The following MYRIP variants were observed in gnomAD, a reference collection of about 807,000 sequenced individuals.
MYRIP encodes the protein myosin VIIA and Rab interacting protein.
Under a neutral mutation model 98.0 loss-of-function variants are expected in MYRIP, and 49 were observed. The observed-to-expected ratio is 0.50, with a 90% CI of 0.40 to 0.63. The LOEUF (loss-of-function observed/expected upper bound fraction) is 0.63. Ranked by LOEUF, MYRIP falls within the 30% of genes least tolerant of loss-of-function variation. The pLI is 0.00. For missense variants in MYRIP, 1,004 were observed against 1,058.2 expected (o/e 0.95, Z 0.71); for synonymous variants, 404 against 409.5 (o/e 0.99, Z 0.16).
chr3:39,822,905 G>A (rs115071666), intron 1 of MYRIP, among the ~76,000 whole-genome samples: 157 of 149,198 alleles, frequency 1.1e-3, no homozygotes, highest in Non-Finnish European at 1.6e-3. Context: ...ATTTCCTGGT[G>A]TATATATACA....
intron 1 of MYRIP, among the ~76,000 whole-genome samples, chr3:39,842,270 C>T (rs1455345617): frequency 6.6e-6 from 1 of 152,156 alleles, no homozygotes; most frequent in Admixed American, 6.5e-5. Flanking sequence ...AAGGGGAAAA[C>T]CACCTACTCA....
chr3:39,935,588 T>C (rs1944638000), intron 2 of MYRIP, among the ~76,000 whole-genome samples: 1 of 152,124 alleles, frequency 6.6e-6, no homozygotes, highest in Non-Finnish European at 1.5e-5. Context: ...TTTGGAAATT[T>C]GCATACTTCC....
intron 8 of MYRIP, 49 bp from the exon 9 acceptor site, chr3:40,182,171 A>G: frequency 6.6e-7 from 1 of 1,516,852 alleles, no homozygotes. Flanking sequence ...CACACCTCCC[A>G]GGCACTGTAC....
chr3:40,027,666 A>G (rs1189609971), intron 2 of MYRIP, among the ~76,000 whole-genome samples: 2 of 152,166 alleles, frequency 1.3e-5, no homozygotes, highest in East Asian at 3.9e-4. Flanking sequence ...TTAATTATTT[A>G]TCATCTGAAT....
intron 3 of MYRIP, among the ~76,000 whole-genome samples, chr3:40,087,533 T>A (rs1948653873): frequency 6.6e-6 from 1 of 152,148 alleles, no homozygotes; most frequent in Admixed American, 6.5e-5. Flanking sequence ...AGTGTGAATG[T>A]AATAGGTTAA....
chr3:40,016,097 C>T (rs1946855586), intron 2 of MYRIP, among the ~76,000 whole-genome samples: 2 of 152,092 alleles, frequency 1.3e-5, no homozygotes, highest in South Asian at 4.1e-4. Flanking sequence ...CACAGGTAAG[C>T]AGGTGGCTTG....
At chr3:39,893,685 C>T (rs1019959240) in intron 1 of MYRIP, among the ~76,000 whole-genome samples, 17 of 146,406 alleles carry the variant, frequency 1.2e-4, no homozygotes, top group Admixed American at 1.1e-3. Flanking sequence ...CACACACACA[C>T]ACACACACAC....
At chr3:40,018,939 C>T (rs1946928979) in intron 2 of MYRIP, among the ~76,000 whole-genome samples, 1 of 152,192 alleles carries the variant, frequency 6.6e-6, no homozygotes, top group African/African-American at 2.4e-5. Flanking sequence ...TGAGCTCCAA[C>T]ATTCTATGCA....
At chr3:39,888,614 C>G (rs1174131550) in intron 1 of MYRIP, among the ~76,000 whole-genome samples, 2 of 152,182 alleles carry the variant, frequency 1.3e-5, no homozygotes, top group Non-Finnish European at 2.9e-5. Context: ...AGGACATACG[C>G]ATGAGCAAGG....
intron 2 of MYRIP, among the ~76,000 whole-genome samples, chr3:39,985,837 C>T (rs1160498809): frequency 1.3e-5 from 2 of 151,940 alleles, no homozygotes; most frequent in African/African-American, 4.8e-5. Context: ...AAATGTTAGA[C>T]CTAAAACCAT....
intron 3 of MYRIP, among the ~76,000 whole-genome samples, chr3:40,057,891 T>C (rs1365060417): frequency 1.3e-5 from 2 of 152,162 alleles, no homozygotes; most frequent in Non-Finnish European, 2.9e-5. Flanking sequence ...ACAAGTTATT[T>C]AACCCTTCTG....
At chr3:40,065,408 G>A (rs927179298) in intron 3 of MYRIP, among the ~76,000 whole-genome samples, 5 of 152,002 alleles carry the variant, frequency 3.3e-5, no homozygotes, top group Admixed American at 6.6e-5. Context: ...CCTCTTCTGG[G>A]GAGGGAAGAA....
chr3:39,813,613 T>C (rs1395633348), intron 1 of MYRIP, among the ~76,000 whole-genome samples: 1 of 152,244 alleles, frequency 6.6e-6, no homozygotes, highest in Non-Finnish European at 1.5e-5. Context: ...ACAACATCCC[T>C]AGCTGAGTTG....
At chr3:39,857,106 G>T (rs1015305204) in intron 1 of MYRIP, among the ~76,000 whole-genome samples, 1 of 151,972 alleles carries the variant, frequency 6.6e-6, no homozygotes, top group Non-Finnish European at 1.5e-5. Flanking sequence ...CCAGCTACTT[G>T]GGAGGCTGAA....
At chr3:40,062,314 G>A (rs1948035413) in intron 3 of MYRIP, among the ~76,000 whole-genome samples, 1 of 152,070 alleles carries the variant, frequency 6.6e-6, no homozygotes, top group African/African-American at 2.4e-5. Context: ...TTCTGCACAT[G>A]GCTAGCCAGT....
chr3:39,912,012 T>G (rs900218330), intron 2 of MYRIP, among the ~76,000 whole-genome samples: 2 of 151,820 alleles, frequency 1.3e-5, no homozygotes, highest in African/African-American at 4.8e-5. Flanking sequence ...GATGGGGAGA[T>G]TCCTGTCCTA....
intron 3 of MYRIP, among the ~76,000 whole-genome samples, chr3:40,059,153 G>A (rs1947947661): frequency 6.6e-6 from 1 of 152,142 alleles, no homozygotes; most frequent in Admixed American, 6.6e-5. Flanking sequence ...TGGTGTATAT[G>A]TGCCACATTT....
At chr3:40,101,099 C>T (rs548251506) in intron 3 of MYRIP, among the ~76,000 whole-genome samples, 5 of 152,178 alleles carry the variant, frequency 3.3e-5, no homozygotes, top group African/African-American at 9.6e-5. Context: ...ATATGCTTAC[C>T]CTTTTTGTTT....
At chr3:40,200,330 C>T (rs1303727383) in intron 10 of MYRIP, among the ~76,000 whole-genome samples, 1 of 151,956 alleles carries the variant, frequency 6.6e-6, no homozygotes, top group Non-Finnish European at 1.5e-5. Flanking sequence ...GTGTTGGGCT[C>T]AATTCAAAGT....
Sources: gnomAD v4.1 joint callset for allele counts (sites outside exome capture counted in the v4.1 genomes callset) on GRCh38, gnomAD v4.1.1 for gene constraint, MANE v1.5 for transcripts, NCBI Gene and HGNC (gene_info 2026-07-23, HGNC 2026-07-21) for gene names.